DMD: variants seen among roughly 807,000 people sequenced by gnomAD.
DMD encodes the protein mutant dystrophin.
In DMD, 63 loss-of-function variants were observed where a neutral mutation model predicts 330.1. That is an observed-to-expected ratio of 0.19 (90% CI 0.16 to 0.24). DMD has a LOEUF of 0.24. DMD is among the 10% of genes least tolerant of loss of function. DMD has a pLI of 1.00. For synonymous variants in DMD, 1,223 were observed against 959.8 expected, an observed-to-expected ratio of 1.27 and a Z score of -5.07; for missense variants, 3,344 against 2,684.1, an observed-to-expected ratio of 1.25 and a Z score of -5.43.
At chrX:32,589,370 T>A (rs138683827) in intron 13 of DMD, among the ~76,000 whole-genome samples, 305 of 110,930 alleles carry the variant, frequency 2.7e-3, no homozygotes, top group African/African-American at 9.7e-3. Context: ...TGTATCATCC[T>A]TAATATCAAG....
chrX:32,430,573 C>T (rs1207832384), intron 29 of DMD, among the ~76,000 whole-genome samples: 2 of 111,796 alleles, frequency 1.8e-5, no homozygotes, highest in African/African-American at 6.5e-5. Context: ...TAACAGAACA[C>T]TTAACATAAG....
intron 67 of DMD, among the ~76,000 whole-genome samples, chrX:31,187,749 G>GTC (rs2041932093): frequency 1.5e-5 from 1 of 68,487 alleles, no homozygotes; most frequent in Non-Finnish European, 3.0e-5. Context: ...GAGAGAGAGA[G>GTC]AGAGAGAGAG....
chrX:32,774,665 A>ACCCATCC (rs1300813151), intron 7 of DMD, among the ~76,000 whole-genome samples: 3 of 110,502 alleles, frequency 2.7e-5, no homozygotes, highest in East Asian at 5.8e-4. Flanking sequence ...TAGGGGAACC[A>ACCCATCC]CCCATCCCCC....
intron 1 of DMD, among the ~76,000 whole-genome samples, chrX:33,110,894 A>G (rs1006862229): frequency 9.0e-6 from 1 of 111,253 alleles, no homozygotes; most frequent in Admixed American, 9.6e-5. Flanking sequence ...CAAGAGAGAA[A>G]TTTGATGTTC....
At chrX:31,232,676 C>A (rs1190840071) in intron 63 of DMD, among the ~76,000 whole-genome samples, 3 of 111,649 alleles carry the variant, frequency 2.7e-5, no homozygotes, top group Admixed American at 9.5e-5. Flanking sequence ...CTAAACACCT[C>A]CCCCACTTGG....
chrX:31,347,001 C>CAAAAAAAAAAAAAAAAAAAAAAA (rs1225596180), intron 61 of DMD, among the ~76,000 whole-genome samples: 2 of 9,645 alleles, frequency 2.1e-4, no homozygotes, highest in Non-Finnish European at 3.3e-4. Context: ...GGCTCCCTCT[C>CAAAAAAAAAAAAAAAAAAAAAAA]AAAAAAAAAA....
chrX:32,517,098 T>C, intron 18 of DMD: 1 of 111,579 alleles, frequency 9.0e-6, no homozygotes, highest in Non-Finnish European at 1.9e-5. Flanking sequence ...ACTGAGGTAA[T>C]GTCGTATTTG....
At chrX:32,337,550 G>A (rs2097721671) in intron 41 of DMD, among the ~76,000 whole-genome samples, 1 of 110,021 alleles carries the variant, frequency 9.1e-6, no homozygotes, top group African/African-American at 3.3e-5. Context: ...GAAAGGTCAT[G>A]TATGTATACA....
chrX:31,561,212 C>A, intron 55 of DMD, among the ~76,000 whole-genome samples: 1 of 112,068 alleles, frequency 8.9e-6, no homozygotes, highest in East Asian at 2.8e-4. Context: ...GGAACTTTCT[C>A]CAGATTGAGG....
At chrX:31,302,788 A>G (rs754431066) in intron 62 of DMD, among the ~76,000 whole-genome samples, 1 of 111,553 alleles carries the variant, frequency 9.0e-6, no homozygotes, top group Admixed American at 9.6e-5. Context: ...AAAGAACTAT[A>G]AATTAAAGAC....
At chrX:32,727,552 T>A (rs1204934529) in intron 7 of DMD, among the ~76,000 whole-genome samples, 1 of 110,421 alleles carries the variant, frequency 9.1e-6, no homozygotes, top group African/African-American at 3.3e-5. Context: ...CTTCAGTGAA[T>A]AATAAAATAC....
intron 60 of DMD, among the ~76,000 whole-genome samples, chrX:31,421,976 C>CAT (rs1170084069): frequency 1.5e-5 from 1 of 67,878 alleles, no homozygotes; most frequent in Non-Finnish European, 2.4e-5. Context: ...TATATATACA[C>CAT]ATATATATAT....
At chrX:32,602,908 A>C (rs1458358694) in intron 12 of DMD, among the ~76,000 whole-genome samples, 3 of 111,529 alleles carry the variant, frequency 2.7e-5, no homozygotes, top group Non-Finnish European at 5.7e-5. Context: ...CAGACAGGTC[A>C]AAGTTAAAAT....
intron 9 of DMD, among the ~76,000 whole-genome samples, chrX:32,647,068 G>A (rs750595316): frequency 9.0e-6 from 1 of 111,510 alleles, no homozygotes; most frequent in East Asian, 2.8e-4. Context: ...CAGCCTGAGA[G>A]ATGTGCGCAG....
intron 7 of DMD, among the ~76,000 whole-genome samples, chrX:32,727,925 T>C (rs1448698074): frequency 1.8e-5 from 2 of 111,659 alleles, no homozygotes; most frequent in Non-Finnish European, 3.8e-5. Flanking sequence ...TTAATCTCCA[T>C]AGTTTATAAA....
intron 7 of DMD, among the ~76,000 whole-genome samples, chrX:32,772,344 C>G (rs1206814049): frequency 8.9e-6 from 1 of 112,608 alleles, no homozygotes; most frequent in South Asian, 3.6e-4. Flanking sequence ...CCTTTCCTAA[C>G]CTTTTCTTTC....
intron 7 of DMD, among the ~76,000 whole-genome samples, chrX:32,716,007 A>T (rs2065681570): frequency 8.9e-6 from 1 of 111,887 alleles, no homozygotes; most frequent in Admixed American, 9.5e-5. Context: ...ATAATGAGAA[A>T]ATCATATTAT....
Position 32,907,944 on chromosome X carries a change from CCCA to C in DMD, c.94-58127_94-58125del, listed in dbSNP as rs545534203. 1.1e-3 allele frequency among the ~76,000 whole-genome samples: 125 copies of C among 110,990 alleles called. 1 individual carries two copies. Among genetic ancestry groups the C allele is most frequent in the South Asian group, 1.5e-3 (4 of 2,635 alleles). ...ATACTGTTAAACACAAAATCAGGTGCCCACAGCTCACAAATCTACACATGACAC... is the reference window on the plus strand; with the variant it reads ...ATACTGTTAAACACAAAATCAGGTGCCAGCTCACAAATCTACACATGACAC... On this transcript the variant is annotated intron_variant, in intron 2 of 78. Coordinates refer to ENST00000357033, the MANE Select transcript of DMD (RefSeq NM_004006.3).
At chrX:32,133,978 GAGTTT>G (rs1246500589) in intron 44 of DMD, among the ~76,000 whole-genome samples, 1 of 111,364 alleles carries the variant, frequency 9.0e-6, no homozygotes, top group Non-Finnish European at 1.9e-5. Flanking sequence ...AACCCAAAAT[GAGTTT>G]ACTGCTGATA....
Sources: gnomAD v4.1 joint callset for allele counts (sites outside exome capture counted in the v4.1 genomes callset) on GRCh38, gnomAD v4.1.1 for gene constraint, MANE v1.5 for transcripts, NCBI Gene and HGNC (gene_info 2026-07-23, HGNC 2026-07-21) for gene names.